Variants in HMCN1 observed in about 807,000 individuals in gnomAD.
HMCN1 encodes the protein hemicentin 1, also known as hemicentin-1.
HMCN1 carries 321 observed loss-of-function variants against 625.9 expected under a neutral mutation model. The observed-to-expected ratio is 0.51, with a 90% CI of 0.47 to 0.56. HMCN1 has a LOEUF of 0.56. Ranked by LOEUF, HMCN1 falls within the 20% of genes least tolerant of loss-of-function variation. HMCN1 has a pLI of 0.00. For synonymous variants in HMCN1, 2,425 were observed against 2,417.6 expected, an observed-to-expected ratio of 1.00 and a Z score of -0.09; for missense variants, 6,588 against 6,887.3, an observed-to-expected ratio of 0.96 and a Z score of 1.54.
At chr1:186,134,917 G>A (rs1325600855) in intron 86 of HMCN1, among the ~76,000 whole-genome samples, 1 of 152,082 alleles carries the variant, frequency 6.6e-6, no homozygotes, top group Non-Finnish European at 1.5e-5. Flanking sequence ...TTTAGGATTT[G>A]AACCAATGTT....
In HMCN1 at chr1:185,951,322, A is replaced by G. The variant is rs1455980011; in HGVS notation, c.1829-11196A>G. Among the ~76,000 whole-genome samples, 30 of 151,568 alleles carry G rather than the reference A, an allele frequency of 2.0e-4. 1 individual carries two copies. Among genetic ancestry groups the G allele is most frequent in the African/African-American group, 6.6e-4 (27 of 41,054 alleles). On this transcript the variant is annotated intron_variant, in intron 11 of 106. Coordinates refer to ENST00000271588, the MANE Select transcript of HMCN1 (RefSeq NM_031935.3). ...ACTAAAAAGGAGTGCTTAAAAGAGT[A>G]TTGTCTAAGTTGGCACCACAGCTGG...
chr1:186,153,639 T>C (rs539437229), intron 96 of HMCN1, 111 bp from the exon 97 acceptor site: 47 of 874,144 alleles, frequency 5.4e-5, no homozygotes, highest in Non-Finnish European at 9.1e-5. Context: ...TGATGTGTGT[T>C]TTTTAGCTCC....
At chr1:185,927,181 G>A (rs186041643) in intron 9 of HMCN1, among the ~76,000 whole-genome samples, 5 of 152,234 alleles carry the variant, frequency 3.3e-5, no homozygotes, top group Middle Eastern at 3.4e-3. Context: ...TCTAATGTAT[G>A]CTCAGCTTTT....
At chr1:185,795,695 A>G (rs570581471) in intron 1 of HMCN1, among the ~76,000 whole-genome samples, 25 of 152,366 alleles carry the variant, frequency 1.6e-4, no homozygotes, top group African/African-American at 5.5e-4. Flanking sequence ...CCGGAATGCT[A>G]GAAAGCAGCA....
At chr1:186,035,134 G>T (rs537591104) in intron 36 of HMCN1, among the ~76,000 whole-genome samples, 1 of 152,086 alleles carries the variant, frequency 6.6e-6, no homozygotes, top group Admixed American at 6.6e-5. Flanking sequence ...AAGTTAGATA[G>T]CTATATTTAT....
chr1:185,865,596 C>T (rs911674903), intron 3 of HMCN1, 145 bp from the exon 4 acceptor site: 3 of 542,246 alleles, frequency 5.5e-6, no homozygotes, highest in East Asian at 3.0e-5. Flanking sequence ...CACACACACA[C>T]ACACACACAC....
chr1:186,010,719 A>G (rs1255252940), intron 30 of HMCN1, among the ~76,000 whole-genome samples: 1 of 152,208 alleles, frequency 6.6e-6, no homozygotes, highest in Non-Finnish European at 1.5e-5. Context: ...TCAAAATAGT[A>G]GCTTGAATTT....
intron 1 of HMCN1, among the ~76,000 whole-genome samples, chr1:185,801,645 G>A (rs1030687617): frequency 1.3e-5 from 2 of 152,202 alleles, no homozygotes; most frequent in Non-Finnish European, 2.9e-5. Context: ...TTCCTAAGGG[G>A]AGTGAAGACT....
At chr1:186,114,574 A>G (rs1002433002) in intron 73 of HMCN1, among the ~76,000 whole-genome samples, 1 of 152,150 alleles carries the variant, frequency 6.6e-6, no homozygotes, top group Non-Finnish European at 1.5e-5. Flanking sequence ...TTAGTATTTT[A>G]AAAGCATAAT....
chr1:186,188,915 C>T (rs1350001923), intron 106 of HMCN1, among the ~76,000 whole-genome samples: 1 of 152,080 alleles, frequency 6.6e-6, no homozygotes, highest in Non-Finnish European at 1.5e-5. Flanking sequence ...TTATTACCAT[C>T]GGTTTCTGGC....
intron 73 of HMCN1, 51 bp from the exon 74 acceptor site, chr1:186,114,768 A>G (rs755017967): frequency 1.2e-6 from 2 of 1,608,760 alleles, no homozygotes; most frequent in Admixed American, 3.3e-5. Flanking sequence ...CAAAATATGA[A>G]CAATCAAAAA....
chr1:185,978,562 C>A (rs1037208669), intron 16 of HMCN1, among the ~76,000 whole-genome samples: 1 of 151,732 alleles, frequency 6.6e-6, no homozygotes, highest in African/African-American at 2.4e-5. Context: ...CATGGTGTTA[C>A]CAGAGGAGGA....
chr1:185,741,313 G>A (rs1037287564), intron 1 of HMCN1, among the ~76,000 whole-genome samples: 2 of 152,206 alleles, frequency 1.3e-5, no homozygotes. Context: ...TCACTGAGAT[G>A]GAGAAGAATG....
intron 1 of HMCN1, among the ~76,000 whole-genome samples, chr1:185,737,683 A>G (rs906283741): frequency 6.6e-6 from 1 of 152,234 alleles, no homozygotes; most frequent in Non-Finnish European, 1.5e-5. Context: ...GAAATAATGT[A>G]TAGAATTTAA....
At chr1:186,052,687 A>G (rs1347901273) in intron 42 of HMCN1, among the ~76,000 whole-genome samples, 1 of 152,016 alleles carries the variant, frequency 6.6e-6, no homozygotes, top group Non-Finnish European at 1.5e-5. Flanking sequence ...ATATGAGGTA[A>G]TATATTTTGT....
intron 81 of HMCN1, among the ~76,000 whole-genome samples, chr1:186,125,390 TTCAG>T (rs1661594393): frequency 6.6e-6 from 1 of 152,128 alleles, no homozygotes; most frequent in Non-Finnish European, 1.5e-5. Flanking sequence ...CGTAAATATA[TTCAG>T]TAAGTTCAAT....
At chr1:186,032,093 T>A (rs146019598) in intron 36 of HMCN1, among the ~76,000 whole-genome samples, 231 of 151,402 alleles carry the variant, frequency 1.5e-3, no homozygotes, top group African/African-American at 5.3e-3. Context: ...ACCTTATGCA[T>A]AGCAAAAGAA....
rs1045654758 is a variant in HMCN1, at chr1:186,090,800, G to A, written c.9770G>A (p.Ser3257Asn). Residue 3257 changes from serine to asparagine, a missense_variant, in exon 64 of 107, where the codon AGT becomes AAT. Ser to Asn is a conservative substitution (Grantham distance 46). This residue lies in a region of HMCN1 where 4,628 missense variants were observed against 4,853.1 expected (regional missense o/e 0.95). Transcript: ENST00000271588. ...GGTGCTGAAATTCCAAGTGATGTCA[G>A]TGTCCTTCTAGGAGAAAATGTTGAG... ...VAGAEIPSDV[S>N]VLLGENVELV... 3.1e-6 allele frequency: 5 copies of A among 1,612,494 alleles called. No homozygotes were observed. The highest frequency in any genetic ancestry group is 2.2e-5 in the South Asian group (2 of 91,062).
At chr1:185,964,187 T>C (rs1650235959) in intron 13 of HMCN1, among the ~76,000 whole-genome samples, 2 of 152,272 alleles carry the variant, frequency 1.3e-5, no homozygotes, top group South Asian at 4.1e-4. Flanking sequence ...TGCAATATTT[T>C]ACTTTTAAAT....
Sources: allele counts gnomAD v4.1 joint callset (sites outside exome capture counted in the v4.1 genomes callset), GRCh38; gene constraint gnomAD v4.1.1; regional missense constraint gnomAD v4.1.1; transcripts MANE v1.5; gene names NCBI Gene and HGNC (gene_info 2026-07-23, HGNC 2026-07-21).